THEMIS: variants seen among roughly 807,000 people sequenced by gnomAD.
The protein encoded by THEMIS is thymocyte selection associated, also known as protein THEMIS.
In THEMIS, 37 loss-of-function variants were observed where a neutral mutation model predicts 52.6. The ratio of observed to expected loss-of-function variants is 0.70; its 90% CI spans 0.54 to 0.93. The LOEUF (loss-of-function observed/expected upper bound fraction) is 0.93, where lower values mean the gene tolerates loss of function less well. Among genes scored for constraint, THEMIS ranks in the 40% least tolerant of loss-of-function variants. The pLI, the probability that THEMIS is intolerant of heterozygous loss-of-function variation, is 0.00. For missense variants in THEMIS, 808 were observed against 763.1 expected, an observed-to-expected ratio of 1.06 and a Z score of -0.69; for synonymous variants, 292 against 272.7, an observed-to-expected ratio of 1.07 and a Z score of -0.70.
intron 1 of THEMIS, among the ~76,000 whole-genome samples, chr6:127,916,497 C>A (rs189803322): frequency 1.3e-5 from 2 of 152,158 alleles, no homozygotes; most frequent in East Asian, 3.9e-4. Context: ...ATGGTTGACA[C>A]AGAGGTCCTT....
chr6:127,916,751 C>A (rs935381238), intron 1 of THEMIS, among the ~76,000 whole-genome samples: 1 of 152,206 alleles, frequency 6.6e-6, no homozygotes, highest in Non-Finnish European at 1.5e-5. Context: ...AAATAAATTT[C>A]CTTTTTGCTT....
intron 1 of THEMIS, among the ~76,000 whole-genome samples, chr6:127,868,187 G>A (rs929961803): frequency 4.0e-5 from 6 of 151,834 alleles, no homozygotes; most frequent in South Asian, 2.1e-4. Flanking sequence ...GCATAGCCCC[G>A]CCCCTGGCAT....
At chr6:127,699,066 CTTA>C in the THEMIS span, among the ~76,000 whole-genome samples, 1 of 151,548 alleles carries the variant, frequency 6.6e-6, no homozygotes, top group Non-Finnish European at 1.5e-5. Context: ...ATATTCCTTC[CTTA>C]TTATAATCCA....
intron 1 of THEMIS, among the ~76,000 whole-genome samples, chr6:127,874,749 G>A (rs1357661881): frequency 1.3e-5 from 2 of 152,190 alleles, no homozygotes; most frequent in Non-Finnish European, 2.9e-5. Flanking sequence ...CTATAAAAAA[G>A]CAACATGGGT....
At chr6:127,715,131 T>G (rs1774112760) in intron 5 of THEMIS, among the ~76,000 whole-genome samples, 1 of 151,950 alleles carries the variant, frequency 6.6e-6, no homozygotes, top group Non-Finnish European at 1.5e-5. Flanking sequence ...TAGGTTGCTA[T>G]AAAATGAAGA....
intron 1 of THEMIS, among the ~76,000 whole-genome samples, chr6:127,857,245 C>G (rs143408987): frequency 2.0e-5 from 3 of 151,970 alleles, no homozygotes; most frequent in Non-Finnish European, 4.4e-5. Flanking sequence ...TGGGAGTATA[C>G]TGAAGGCATT....
the THEMIS span, among the ~76,000 whole-genome samples, chr6:127,699,664 A>G: frequency 6.6e-6 from 1 of 151,874 alleles, no homozygotes; most frequent in Non-Finnish European, 1.5e-5. Context: ...AACTTGCAAA[A>G]GCCATTCAAT....
At chr6:127,880,674 T>A (rs1359544340) in intron 1 of THEMIS, among the ~76,000 whole-genome samples, 1 of 151,258 alleles carries the variant, frequency 6.6e-6, no homozygotes, top group Non-Finnish European at 1.5e-5. Flanking sequence ...AAATGCTGAA[T>A]CACTAAAACC....
intron 3 of THEMIS, among the ~76,000 whole-genome samples, chr6:127,816,783 C>T (rs1778150338): frequency 6.6e-6 from 1 of 152,144 alleles, no homozygotes; most frequent in Non-Finnish European, 1.5e-5. Context: ...AAGCCAAAGT[C>T]CTTACCTGGC....
In THEMIS at chr6:127,742,853, G is replaced by A. The variant is rs566847697; in HGVS notation, c.1759-23030C>T. Among the ~76,000 whole-genome samples the A allele has an allele frequency of 3.9e-5, 6 of 152,238 alleles. 1 individual carries two copies. Among genetic ancestry groups the A allele is most frequent in the African/African-American group, 9.6e-5 (4 of 41,542 alleles). ...ATGTTCTGGAGATGGAGATGGTGGT[G>A]ATGGTTCCATAACAATGTGAATGGC... On this transcript the variant is annotated intron_variant, in intron 4 of 5. Coordinates refer to ENST00000368248, the MANE Select transcript of THEMIS (RefSeq NM_001010923.3).
chr6:127,898,590 T>TCACA lies in THEMIS; in HGVS notation c.91+2248_91+2251dup, dbSNP rs563313040. On this transcript the variant is annotated intron_variant, in intron 1 of 5. Transcript: ENST00000368248. ...CACTATGAGAAACAGTGTGAAGTTT[T>TCACA]CACACACACACACACACAAAAATAG... is the stretch of plus-strand genomic sequence containing the variant. Among the ~76,000 whole-genome samples, 16 of 150,692 alleles carry TCACA rather than the reference T, an allele frequency of 1.1e-4. No individual in the cohort carries two copies. The East Asian group carries it at 2.1e-3, about 20-fold the overall frequency.
chr6:127,856,135 T>C (rs1182767599), intron 1 of THEMIS, among the ~76,000 whole-genome samples: 2 of 152,024 alleles, frequency 1.3e-5, no homozygotes, highest in African/African-American at 2.4e-5. Flanking sequence ...CCATACTACA[T>C]GTGAAGTATA....
chr6:127,734,335 T>C (rs1263622867), intron 4 of THEMIS, among the ~76,000 whole-genome samples: 1 of 152,156 alleles, frequency 6.6e-6, no homozygotes, highest in African/African-American at 2.4e-5. Flanking sequence ...GATTAAATCA[T>C]GTGAAATGAT....
downstream of THEMIS, among the ~76,000 whole-genome samples, chr6:127,703,136 C>T (rs1344981541): frequency 1.2e-4 from 18 of 145,106 alleles, 1 homozygote; most frequent in East Asian, 1.8e-3. Context: ...CAAGCTCCGC[C>T]TCCCGGGTTC....
At chr6:127,883,359 T>C (rs1583392992) in intron 1 of THEMIS, among the ~76,000 whole-genome samples, 1 of 151,668 alleles carries the variant, frequency 6.6e-6, no homozygotes, top group East Asian at 1.9e-4. Flanking sequence ...ATATTAATAA[T>C]CTCACAAGAG....
chr6:127,792,227 G>T (rs1417790896), intron 4 of THEMIS, among the ~76,000 whole-genome samples: 2 of 152,158 alleles, frequency 1.3e-5, no homozygotes, highest in Non-Finnish European at 2.9e-5. Context: ...AGTAAACATG[G>T]TATTCACGTA....
chr6:127,850,853 C>CA lies in THEMIS; in HGVS notation c.250+4176dup, dbSNP rs1365718998. 5.9e-5 allele frequency among the ~76,000 whole-genome samples: 9 copies of CA among 151,536 alleles called. No individual in the cohort carries two copies. The East Asian group carries it at 7.8e-4, about 13-fold the overall frequency. On this transcript the variant is annotated intron_variant, in intron 2 of 5. Coordinates refer to ENST00000368248, the MANE Select transcript of THEMIS (RefSeq NM_001010923.3). The stretch of plus-strand genomic sequence containing the variant: ...CCACTAAAGAACTTATCCATGTAAT[C>CA]AAAAACTACTTGTAACCCTGAATCT...
chr6:127,820,541 C>A (rs1226134930), intron 3 of THEMIS, among the ~76,000 whole-genome samples: 2 of 152,048 alleles, frequency 1.3e-5, no homozygotes, highest in Non-Finnish European at 1.5e-5. Context: ...GAATGTATAA[C>A]TACTTCAGGA....
intron 1 of THEMIS, among the ~76,000 whole-genome samples, chr6:127,896,942 C>A (rs930936970): frequency 2.0e-4 from 30 of 151,262 alleles, no homozygotes; most frequent in Middle Eastern, 6.8e-3. Flanking sequence ...TTATTTAAGA[C>A]AGGAAAAATT....
Sources: allele counts gnomAD v4.1 joint callset (sites outside exome capture counted in the v4.1 genomes callset), GRCh38; gene constraint gnomAD v4.1.1; transcripts MANE v1.5; gene names NCBI Gene and HGNC (gene_info 2026-07-23, HGNC 2026-07-21).